Variants in AOX1 observed in about 807,000 individuals in gnomAD.
AOX1 encodes aldehyde oxidase 1.
In AOX1, 153 loss-of-function variants were observed where a neutral mutation model predicts 169.5. The ratio of observed to expected loss-of-function variants is 0.90; its 90% confidence interval spans 0.79 to 1.03. The LOEUF is 1.03. AOX1 is among the 50% of genes least tolerant of loss of function. The pLI is 0.00. For missense variants in AOX1, 1,656 were observed against 1,663.9 expected, an observed-to-expected ratio of 1.00 and a Z score of 0.08; for synonymous variants, 562 against 581.9, an observed-to-expected ratio of 0.97 and a Z score of 0.49.
In AOX1 at chr2:200,633,009, G is replaced by A. The variant is rs562240057; in HGVS notation, c.2222-1782G>A. The stretch of plus-strand genomic sequence containing the variant: ...ACTCCCAGGTTCAAGCTACTCTCCT[G>A]TCTCAGCCTCCTGAGTAGCTGGGAT... On this transcript the variant is annotated intron_variant, in intron 20 of 34. Coordinates refer to ENST00000374700, the MANE Select transcript of AOX1 (RefSeq NM_001159.4). Among the ~76,000 whole-genome samples the A allele has an allele frequency of 1.7e-4, 25 of 150,808 alleles. No individual in the cohort carries two copies. The South Asian group carries it at 5.0e-3, about 30-fold the overall frequency.
chr2:200,624,290 G>C (rs775913049), intron 19 of AOX1, among the ~76,000 whole-genome samples: 1 of 152,122 alleles, frequency 6.6e-6, no homozygotes, highest in Non-Finnish European at 1.5e-5. Context: ...AGCATTCTAA[G>C]CACAAATCCT....
intron 22 of AOX1, 174 bp from the exon 23 acceptor site, chr2:200,638,041 G>A (rs2035272460): frequency 3.7e-6 from 2 of 544,214 alleles, no homozygotes; most frequent in South Asian, 4.0e-5. Context: ...TGACCTAACG[G>A]GAGGAAAGCC....
intron 16 of AOX1, among the ~76,000 whole-genome samples, chr2:200,616,340 A>G (rs1242164186): frequency 6.6e-6 from 1 of 152,256 alleles, no homozygotes; most frequent in Non-Finnish European, 1.5e-5. Context: ...CACGCATGAG[A>G]TGGCCACCTT....
Position 200,623,957 on chromosome 2 carries a change from T to C in AOX1, c.2098T>C (p.Leu700=), listed in dbSNP as rs745438844. The C allele has an allele frequency of 9.3e-6, 15 of 1,614,174 alleles. No homozygotes were observed. In the South Asian group the frequency reaches 1.6e-4, roughly 18 times the overall value. ...GCGAGTGAAGATTGTCTATCAAGACTTGGAGCCGCTGATACTAACAATTGA... is the reference window on the plus strand; with the variant it reads ...GCGAGTGAAGATTGTCTATCAAGACCTGGAGCCGCTGATACTAACAATTGA... ...AKRVKIVYQD[L]EPLILTIEES... Residue 700 remains leucine, a synonymous_variant, in exon 19 of 35, where the codon TTG becomes CTG. Transcript: ENST00000374700.
intron 34 of AOX1, 88 bp from the exon 35 acceptor site, chr2:200,670,541 G>A: frequency 9.0e-7 from 1 of 1,105,596 alleles, no homozygotes; most frequent in East Asian, 2.4e-5. Context: ...CCCTCTGCTG[G>A]TGTTTAACCT....
Position 200,621,158 on chromosome 2 carries a change from T to G in AOX1, c.1913T>G (p.Val638Gly). 1 of 1,614,184 alleles carries G rather than the reference T, an allele frequency of 6.2e-7. No individual in the cohort carries two copies. The highest frequency in any genetic ancestry group is 8.5e-7 in the Non-Finnish European group (1 of 1,180,016). Residue 638 changes from valine to glycine, a missense_variant, in exon 18 of 35, where the codon GTG becomes GGG. Transcript: ENST00000374700. The part of the protein sequence containing the change: ...DLSEALSMPG[V>G]VDIMTAEHLS... ...TCAGAAGCTCTCAGCATGCCCGGTG[T>G]GGTGGACATCATGACAGCAGAACAT...
chr2:200,668,856 G>A (rs1341759794), intron 33 of AOX1, 53 bp downstream of exon 33: 3 of 1,498,544 alleles, frequency 2.0e-6, no homozygotes, highest in East Asian at 2.4e-5. Context: ...CCTGTTGGGT[G>A]ACAGGAAGGC....
chr2:200,657,190 A>ATATATATATATATATATATATTTT, intron 27 of AOX1, among the ~76,000 whole-genome samples: 12 of 62,878 alleles, frequency 1.9e-4, no homozygotes, highest in Non-Finnish European at 2.9e-4. Flanking sequence ...ATATATATAT[A>ATATATATATATATATATATATTTT]TTTTTTTTTT....
downstream of AOX1, among the ~76,000 whole-genome samples, chr2:200,673,868 C>T (rs941586205): frequency 6.6e-6 from 1 of 152,180 alleles, no homozygotes; most frequent in East Asian, 1.9e-4. Flanking sequence ...GGAGCCTTTG[C>T]CTGTGTCCTC....
chr2:200,668,181 C>A (rs557942259), intron 32 of AOX1, among the ~76,000 whole-genome samples: 6 of 151,806 alleles, frequency 4.0e-5, no homozygotes, highest in African/African-American at 1.5e-4. Context: ...TCTCAGCTCA[C>A]CGCAACCTCC....
At chr2:200,674,379 G>T (rs2036067907), downstream of AOX1, among the ~76,000 whole-genome samples, 1 of 151,098 alleles carries the variant, frequency 6.6e-6, no homozygotes, top group South Asian at 2.1e-4. Flanking sequence ...GCAACCCAAG[G>T]TTAGGATATA....
chr2:200,664,723 G>T (rs12612263), intron 31 of AOX1, among the ~76,000 whole-genome samples: 35,031 of 152,044 alleles, frequency 0.23, 4,743 homozygotes, highest in East Asian at 0.54. Flanking sequence ...CTCCCCAAAG[G>T]CCTGTTTCTC....
At position 200,612,607 on chromosome 2, in the gene AOX1, A is replaced by G. The variant is rs1354244394; in HGVS notation, c.1264-2A>G. 1 of 1,613,050 alleles carries G rather than the reference A, an allele frequency of 6.2e-7. No individual in the cohort carries two copies. Among genetic ancestry groups the G allele is most frequent in the Admixed American group, 1.7e-5 (1 of 59,984 alleles). On this transcript the variant is annotated splice_acceptor_variant, in intron 13 of 34. Transcript: ENST00000374700. LOFTEE classifies it high-confidence loss of function. Reference sequence around the variant, plus strand: ...CATGTGCCACTTAACTGTTTCTTTCAGTGGGAATTTGTGTCAGCCTTCCGA... The same window carrying G: ...CATGTGCCACTTAACTGTTTCTTTCGGTGGGAATTTGTGTCAGCCTTCCGA...
intron 1 of AOX1, among the ~76,000 whole-genome samples, chr2:200,588,726 C>CTTTTTTTTTTTGTTTTTTTTTTTT (rs2034097008): frequency 1.9e-5 from 1 of 53,986 alleles, no homozygotes; most frequent in Non-Finnish European, 3.9e-5. Context: ...CTAGAATAAG[C>CTTTTTTTTTTTGTTTTTTTTTTTT]TTTTTTTTTT....
At chr2:200,673,804 G>A (rs529511009), downstream of AOX1, among the ~76,000 whole-genome samples, 1 of 152,282 alleles carries the variant, frequency 6.6e-6, no homozygotes, top group East Asian at 1.9e-4. Context: ...TCCAGCGTTG[G>A]CTCATGTTCC....
At chr2:200,676,180 A>T (rs1023383924), downstream of AOX1, among the ~76,000 whole-genome samples, 2 of 152,118 alleles carry the variant, frequency 1.3e-5, no homozygotes, top group African/African-American at 4.8e-5. Context: ...TTTGTAATTT[A>T]AAAACAAATT....
intron 5 of AOX1, among the ~76,000 whole-genome samples, chr2:200,600,478 G>GA (rs201581221): frequency 4.8e-4 from 72 of 151,558 alleles, no homozygotes; most frequent in Non-Finnish European, 3.1e-4. Flanking sequence ...TATGTGGCGG[G>GA]GGGGGACATC....
intron 26 of AOX1, 57 bp downstream of exon 26, chr2:200,651,258 G>A: frequency 1.3e-6 from 2 of 1,482,558 alleles, no homozygotes; most frequent in Non-Finnish European, 1.9e-6. Flanking sequence ...GACAAAGCAA[G>A]AGGTGTTGAG....
intron 6 of AOX1, among the ~76,000 whole-genome samples, 193 bp downstream of exon 6, chr2:200,602,538 G>A (rs1309145007): frequency 6.6e-6 from 1 of 152,088 alleles, no homozygotes; most frequent in African/African-American, 2.4e-5. Flanking sequence ...CTTGGTGGTC[G>A]CATAATGAAC....
Sources: gnomAD v4.1 joint callset for allele counts (sites outside exome capture counted in the v4.1 genomes callset) on GRCh38, gnomAD v4.1.1 for gene constraint, MANE v1.5 for transcripts, NCBI Gene and HGNC (gene_info 2026-07-23, HGNC 2026-07-21) for gene names.